Variants in BCAS3 observed in about 807,000 individuals in gnomAD.
The protein encoded by BCAS3 is BCAS3 microtubule associated cell migration factor.
In BCAS3, 53 loss-of-function variants were observed where a neutral mutation model predicts 116.1. That is an observed-to-expected ratio of 0.46 (90% confidence interval 0.37 to 0.57). The LOEUF (loss-of-function observed/expected upper bound fraction) is 0.57, where lower values mean the gene tolerates loss of function less well. Among genes scored for constraint, BCAS3 ranks in the 20% least tolerant of loss-of-function variants. The pLI is 0.00. For missense variants in BCAS3, 917 were observed against 1,165.4 expected (o/e 0.79, Z 3.10); for synonymous variants, 391 against 408.2 (o/e 0.96, Z 0.51).
In BCAS3 at chr17:61,045,865, A is replaced by ATATAAATATATATTTATATATAT. The variant is rs757031336; in HGVS notation, c.2029+4973_2029+4974insTATAAATATATATTTATATATAT. On this transcript the variant is annotated intron_variant, in intron 19 of 23. Transcript: ENST00000407086. Reference sequence around the variant, plus strand: ...TCTCTCTCTCTATATATATATATATAAATATATATAAATATATATTATATA... The same window carrying ATATAAATATATATTTATATATAT: ...TCTCTCTCTCTATATATATATATATATATAAATATATATTTATATATATAATATATATAAATATATATTATATA... 5.0e-4 allele frequency among the ~76,000 whole-genome samples: 2 copies of ATATAAATATATATTTATATATAT among 3,962 alleles called. 1 individual carries two copies. Among genetic ancestry groups the ATATAAATATATATTTATATATAT allele is most frequent in the Non-Finnish European group, 8.6e-4 (2 of 2,334 alleles). 2.6% of individuals were successfully genotyped at this position (3,962 alleles called of 152,430 possible). A position where few individuals can be genotyped will look rare whatever the true frequency, so the allele number is the denominator to read the frequency against.
chr17:60,800,147 G>A (rs2047640802), intron 6 of BCAS3, among the ~76,000 whole-genome samples: 1 of 152,152 alleles, frequency 6.6e-6, no homozygotes, highest in Non-Finnish European at 1.5e-5. Context: ...TTGGACAAAA[G>A]TCTTCAGTTC....
intron 23 of BCAS3, among the ~76,000 whole-genome samples, chr17:61,385,249 C>T (rs573045204): frequency 1.3e-5 from 2 of 152,336 alleles, no homozygotes; most frequent in Non-Finnish European, 1.5e-5. Context: ...CAGGTGCCAG[C>T]GCCAGCACCA....
intron 4 of BCAS3, among the ~76,000 whole-genome samples, chr17:60,701,900 G>A (rs949740626): frequency 6.7e-6 from 1 of 148,982 alleles, no homozygotes; most frequent in African/African-American, 2.6e-5. Context: ...CTAGAGCCCA[G>A]GAGGTGGAGG....
Position 60,886,729 on chromosome 17 carries a change from T to C in BCAS3, c.662-2966T>C, listed in dbSNP as rs1018415940. Among the ~76,000 whole-genome samples, 31 of 152,128 alleles carry C rather than the reference T, an allele frequency of 2.0e-4. 1 individual carries two copies. Among genetic ancestry groups the C allele is most frequent in the African/African-American group, 6.8e-4 (28 of 41,430 alleles). ...GTGTGAGGTGTCAGTGTGCTCCTGC[T>C]GGGGGGTGCCTCCCAGTTAGGCTGC... is the stretch of plus-strand genomic sequence containing the variant. On this transcript the variant is annotated intron_variant, in intron 9 of 23. Transcript: ENST00000407086.
chr17:61,040,783 T>A lies in BCAS3; in HGVS notation c.1929-9T>A. ...CTTAAATATTAATATTCTTCTCCTG[T>A]TTCCTTAGAACCCCTCAATGGAATG... On this transcript the variant is annotated splice_polypyrimidine_tract_variant and intron_variant, in intron 18 of 23. Coordinates refer to ENST00000407086, the MANE Select transcript of BCAS3 (RefSeq NM_017679.5). 6.2e-7 allele frequency: 1 copy of A among 1,607,378 alleles called. No homozygotes were observed. Among genetic ancestry groups the A allele is most frequent in the South Asian group, 1.1e-5 (1 of 90,900 alleles).
chr17:60,682,019 C>T (rs1434650342), intron 2 of BCAS3, among the ~76,000 whole-genome samples: 5 of 152,098 alleles, frequency 3.3e-5, no homozygotes, highest in African/African-American at 9.7e-5. Context: ...TGTGAGCCAC[C>T]GCGCCCGGCC....
intron 22 of BCAS3, among the ~76,000 whole-genome samples, chr17:61,117,477 C>T (rs1245733179): frequency 6.6e-6 from 1 of 151,990 alleles, no homozygotes; most frequent in Non-Finnish European, 1.5e-5. Context: ...CACCTGTAGA[C>T]CCAACTACTA....
chr17:60,856,541 A>G (rs2053686977), intron 7 of BCAS3, among the ~76,000 whole-genome samples: 1 of 152,060 alleles, frequency 6.6e-6, no homozygotes, highest in African/African-American at 2.4e-5. Flanking sequence ...ATACAAAAAA[A>G]TTAGCCAGGT....
At chr17:60,710,476 G>A (rs1350318102) in intron 5 of BCAS3, among the ~76,000 whole-genome samples, 1 of 148,316 alleles carries the variant, frequency 6.7e-6, no homozygotes, top group African/African-American at 2.5e-5. Context: ...CTGTTGCCCA[G>A]GCTGGAGTGC....
intron 22 of BCAS3, among the ~76,000 whole-genome samples, chr17:61,183,113 C>A (rs867662481): frequency 6.6e-6 from 1 of 152,168 alleles, no homozygotes; most frequent in Non-Finnish European, 1.5e-5. Context: ...TATTGAAAAT[C>A]ATTTTTTAAA....
chr17:61,160,114 A>G (rs950235760), intron 22 of BCAS3, among the ~76,000 whole-genome samples: 1 of 151,942 alleles, frequency 6.6e-6, no homozygotes, highest in Non-Finnish European at 1.5e-5. Context: ...ACTAGATTCA[A>G]AGATATAAAT....
chr17:60,730,941 G>A (rs1261034630), intron 5 of BCAS3, among the ~76,000 whole-genome samples: 1 of 152,104 alleles, frequency 6.6e-6, no homozygotes, highest in African/African-American at 2.4e-5. Context: ...TGTAGTTACT[G>A]TGGCCACTCA....
rs1225226032 is a variant in BCAS3 at position 61,004,608 on chromosome 17, A to C, written c.1487-11143A>C. ...ACAAGACAGGGATCAGGGCTATACC[A>C]GGATTATGCACAGAAGTAGAAATTT... On this transcript the variant is annotated intron_variant, in intron 15 of 23. Transcript: ENST00000407086. The surrounding 1 kb of genome is among the most constrained non-coding windows in gnomAD (Gnocchi z 4.8). Among the ~76,000 whole-genome samples, 2 of 152,198 alleles carry C rather than the reference A, an allele frequency of 1.3e-5. No homozygotes were observed. The highest frequency in any genetic ancestry group is 4.8e-5 in the African/African-American group (2 of 41,456).
intron 19 of BCAS3, among the ~76,000 whole-genome samples, chr17:61,057,098 G>A (rs978296836): frequency 7.9e-5 from 12 of 152,172 alleles, no homozygotes; most frequent in Non-Finnish European, 2.9e-5. Flanking sequence ...CTTCTTTATG[G>A]TAGTGTTGTT....
chr17:60,860,072 A>C (rs2054028286), intron 7 of BCAS3, among the ~76,000 whole-genome samples: 1 of 152,326 alleles, frequency 6.6e-6, no homozygotes, highest in Non-Finnish European at 1.5e-5. Context: ...AGAAATCTCC[A>C]AACTGCTATC....
chr17:60,732,814 G>C (rs1478491840), intron 5 of BCAS3, among the ~76,000 whole-genome samples: 1 of 152,116 alleles, frequency 6.6e-6, no homozygotes, highest in Non-Finnish European at 1.5e-5. Flanking sequence ...ACTCCAGCCT[G>C]GCGACAGAGC....
chr17:61,386,040 T>C (rs2059830299), intron 23 of BCAS3, among the ~76,000 whole-genome samples: 1 of 152,208 alleles, frequency 6.6e-6, no homozygotes, highest in African/African-American at 2.4e-5. Context: ...CTAATCCGAT[T>C]GCAGCAATAA....
chr17:61,248,732 T>G lies in BCAS3; in HGVS notation c.2426-119595T>G, dbSNP rs930375508. ...CCCCTAACACAAATGATACCAGGAC[T>G]TCTTTGAATATTCTATTTAGTCTGT... is the stretch of plus-strand genomic sequence containing the variant. On this transcript the variant is annotated intron_variant, in intron 22 of 23. Coordinates refer to ENST00000407086, the MANE Select transcript of BCAS3 (RefSeq NM_017679.5). The surrounding 1 kb of genome is among the most constrained non-coding windows in gnomAD (Gnocchi z 4.3). Among the ~76,000 whole-genome samples the G allele has an allele frequency of 2.6e-5, 4 of 152,212 alleles. No individual in the cohort carries two copies. The highest frequency in any genetic ancestry group is 9.6e-5 in the African/African-American group (4 of 41,460).
Position 60,960,849 on chromosome 17 carries a change from A to G in BCAS3, c.1221+13497A>G, listed in dbSNP as rs562190659. Reference sequence around the variant, plus strand: ...ATGGCGGTGTTTCTGCAGATACTACATTCTCAAAAACCTTGTGTATCTCCT... The same window carrying G: ...ATGGCGGTGTTTCTGCAGATACTACGTTCTCAAAAACCTTGTGTATCTCCT... On this transcript the variant is annotated intron_variant, in intron 14 of 23. Transcript: ENST00000407086. The surrounding 1 kb of genome is among the most constrained non-coding windows in gnomAD (Gnocchi z 4.1). Among the ~76,000 whole-genome samples the G allele has an allele frequency of 6.6e-5, 10 of 150,588 alleles. No individual in the cohort carries two copies. The highest frequency in any genetic ancestry group is 1.5e-4 in the Non-Finnish European group (10 of 67,794).
Sources: allele counts gnomAD v4.1 joint callset (sites outside exome capture counted in the v4.1 genomes callset), GRCh38; gene constraint gnomAD v4.1.1; non-coding constraint Gnocchi (gnomAD v3.1); transcripts MANE v1.5; gene names NCBI Gene and HGNC (gene_info 2026-07-23, HGNC 2026-07-21).